Variants in HCFC2 observed in about 807,000 individuals in gnomAD.
HCFC2 encodes the protein host cell factor 2.
A neutral mutation model predicts 89.2 loss-of-function variants in HCFC2; 18 were observed. The ratio of observed to expected loss-of-function variants is 0.20; its 90% CI spans 0.14 to 0.30. The LOEUF is 0.30. Ranked by LOEUF, HCFC2 falls within the 10% of genes least tolerant of loss-of-function variation. The pLI is 1.00. For synonymous variants in HCFC2, 308 were observed against 335.7 expected (o/e 0.92, Z 0.90); for missense variants, 578 against 956.1 (o/e 0.60, Z 5.21).
intron 7 of HCFC2, among the ~76,000 whole-genome samples, chr12:104,085,995 ATT>A (rs774649121): frequency 4.6e-5 from 5 of 109,328 alleles, no homozygotes; most frequent in African/African-American, 1.1e-4. Flanking sequence ...TCCTCCCACC[ATT>A]TTTTTTTTTT....
In HCFC2 at chr12:104,064,948, G is replaced by C. The variant is rs1051421344; in HGVS notation, c.163+225G>C. ...TGGGGCGCAACGGACCCCGAGCGGGGCGCACCGGCCTTCAGGCGGGGGATC... is the reference window on the plus strand; with the variant it reads ...TGGGGCGCAACGGACCCCGAGCGGGCCGCACCGGCCTTCAGGCGGGGGATC... On this transcript the variant is annotated intron_variant, in intron 1 of 14. Coordinates refer to ENST00000229330, the MANE Select transcript of HCFC2 (RefSeq NM_013320.3). The surrounding 1 kb of genome is among the most constrained non-coding windows in gnomAD (Gnocchi z 7.3). The C allele has an allele frequency of 3.0e-5, 12 of 401,038 alleles. No individual in the cohort carries two copies. The highest frequency in any genetic ancestry group is 1.7e-4 in the African/African-American group (8 of 47,738). The allele number at this position is 401,038 out of a possible 1,614,324, so 24.8% of individuals were successfully genotyped here.
chr12:104,090,369 T>G (rs893171314), intron 9 of HCFC2, among the ~76,000 whole-genome samples: 6 of 152,194 alleles, frequency 3.9e-5, no homozygotes, highest in African/African-American at 1.4e-4. Context: ...ATCCCCAGTA[T>G]GCTGAAATTT....
intron 13 of HCFC2, among the ~76,000 whole-genome samples, chr12:104,098,777 G>A (rs951835973): frequency 6.6e-6 from 1 of 152,252 alleles, no homozygotes; most frequent in Admixed American, 6.5e-5. Flanking sequence ...AAGGCAGGCA[G>A]ATCACGAGGT....
At chr12:104,078,415 C>T (rs1173375216) in intron 3 of HCFC2, among the ~76,000 whole-genome samples, 1 of 152,146 alleles carries the variant, frequency 6.6e-6, no homozygotes, top group Non-Finnish European at 1.5e-5. Context: ...TGAAATGTTA[C>T]AATTTTTGCC....
At chr12:104,070,511 C>G (rs1389738559) in intron 3 of HCFC2, among the ~76,000 whole-genome samples, 1 of 152,150 alleles carries the variant, frequency 6.6e-6, no homozygotes, top group East Asian at 1.9e-4. Flanking sequence ...AAGCCTGTTT[C>G]CTTCACTGTG....
At chr12:104,074,875 T>C (rs1883447130) in intron 3 of HCFC2, among the ~76,000 whole-genome samples, 1 of 152,196 alleles carries the variant, frequency 6.6e-6, no homozygotes, top group African/African-American at 2.4e-5. Flanking sequence ...TATATTTAAA[T>C]AACTTAATTC....
intron 3 of HCFC2, among the ~76,000 whole-genome samples, chr12:104,069,587 A>C (rs908273859): frequency 6.7e-6 from 1 of 148,408 alleles, no homozygotes; most frequent in Non-Finnish European, 1.5e-5. Context: ...TGTCTGTCTT[A>C]TTTCGCTTAC....
intron 3 of HCFC2, among the ~76,000 whole-genome samples, chr12:104,073,187 C>T (rs2261693): frequency 0.38 from 52,104 of 138,230 alleles, 11,260 homozygotes; most frequent in Non-Finnish European, 0.49. Context: ...TTTTTTGAGA[C>T]GGAGTCTAGC....
intron 9 of HCFC2, among the ~76,000 whole-genome samples, chr12:104,090,051 G>C (rs1883981674): frequency 6.6e-6 from 1 of 151,984 alleles, no homozygotes; most frequent in East Asian, 1.9e-4. Flanking sequence ...TCTCTTTCCT[G>C]TGTTACAGCC....
chr12:104,082,915 T>G lies in HCFC2; in HGVS notation c.1063+14T>G. Reference sequence around the variant, plus strand: ...ATCTTGATACTGGTAGGTAAGAATATTTAACAAATAAACTTTTTCCTTTAG... The same window carrying G: ...ATCTTGATACTGGTAGGTAAGAATAGTTAACAAATAAACTTTTTCCTTTAG... On this transcript the variant is annotated intron_variant, in intron 7 of 14. Transcript: ENST00000229330. 1.3e-6 allele frequency: 2 copies of G among 1,570,650 alleles called. No homozygotes were observed. The highest frequency in any genetic ancestry group is 1.7e-6 in the Non-Finnish European group (2 of 1,159,630).
intron 2 of HCFC2, 33 bp downstream of exon 2, chr12:104,066,348 C>T: frequency 6.8e-7 from 1 of 1,477,110 alleles, no homozygotes; most frequent in East Asian, 2.4e-5. Flanking sequence ...CATTCTGAGG[C>T]TTTAATAATG....
At chr12:104,080,351 TAA>T (rs1320595770) in intron 4 of HCFC2, 2 of 163,872 alleles carry the variant, frequency 1.2e-5, no homozygotes, top group African/African-American at 4.8e-5. Flanking sequence ...CCATATACTT[TAA>T]GTCATCTCCA....
Position 104,103,103 on chromosome 12 carries a change from C to T in HCFC2, c.2209C>T (p.Leu737Phe). ...TGTGTTCATGAGGATTTATTGTGGT[C>T]TTAAGACATCATGTATAGTAACTGC... is the stretch of plus-strand genomic sequence containing the variant. ...QLVFMRIYCG[L>F]KTSCIVTAGQ... Residue 737 changes from leucine to phenylalanine, a missense_variant, in exon 15 of 15, where the codon CTT (leucine) becomes TTT (phenylalanine). Transcript: ENST00000229330. 6.2e-7 allele frequency: 1 copy of T among 1,614,064 alleles called. No individual in the cohort carries two copies. The highest frequency in any genetic ancestry group is 8.5e-7 in the Non-Finnish European group (1 of 1,179,962).
At chr12:104,072,245 G>T (rs1210579794) in intron 3 of HCFC2, among the ~76,000 whole-genome samples, 1 of 152,022 alleles carries the variant, frequency 6.6e-6, no homozygotes, top group Non-Finnish European at 1.5e-5. Flanking sequence ...AGTGGTATGT[G>T]CCTGTGGTCC....
In HCFC2 at chr12:104,067,868, A is replaced by C. The variant is rs958797210; in HGVS notation, c.313-79A>C. The stretch of plus-strand genomic sequence containing the variant: ...ATGGGATTTAGATTAAAATGTATTG[A>C]TATGATGTTGCACTATTGACAATAT... On this transcript the variant is annotated intron_variant, in intron 2 of 14. Transcript: ENST00000229330. 3 of 1,292,058 alleles carry C rather than the reference A, an allele frequency of 2.3e-6. No homozygotes were observed. In the East Asian group the frequency reaches 8.0e-5, roughly 35 times the overall value. The allele number at this position is 1,292,058 out of a possible 1,614,324, so 80.0% of individuals were successfully genotyped here.
At chr12:104,065,606 T>A (rs547653684) in intron 1 of HCFC2, among the ~76,000 whole-genome samples, 51 of 152,306 alleles carry the variant, frequency 3.3e-4, no homozygotes, top group African/African-American at 1.2e-3. Context: ...TGAGAAGTTT[T>A]ATTTTTTTCA....
intron 2 of HCFC2, 53 bp from the exon 3 acceptor site, chr12:104,067,894 A>G: frequency 6.6e-7 from 1 of 1,507,406 alleles, no homozygotes; most frequent in African/African-American, 1.4e-5. Flanking sequence ...TTGACAATAT[A>G]GGAGTGCTTT....
chr12:104,103,303 G>A lies in HCFC2; in HGVS notation c.*30G>A, dbSNP rs1362540100. On this transcript the variant is annotated 3_prime_UTR_variant, in exon 15 of 15. Coordinates refer to ENST00000229330, the MANE Select transcript of HCFC2 (RefSeq NM_013320.3). ...GTTTTTTTACTGAAGCTATTGTGAT[G>A]ATGATTATTTATTAGTAACTGGTTA... The A allele has an allele frequency of 3.9e-6, 6 of 1,536,084 alleles. No homozygotes were observed. The highest frequency in any genetic ancestry group is 5.4e-6 in the Non-Finnish European group (6 of 1,121,006).
chr12:104,098,619 G>C, intron 13 of HCFC2, 139 bp downstream of exon 13: 3 of 795,046 alleles, frequency 3.8e-6, no homozygotes, highest in Non-Finnish European at 4.0e-6. Context: ...TCACTTGAAT[G>C]AGTAAAATTG....
Sources: allele counts gnomAD v4.1 joint callset (sites outside exome capture counted in the v4.1 genomes callset), GRCh38; gene constraint gnomAD v4.1.1; non-coding constraint Gnocchi (gnomAD v3.1); transcripts MANE v1.5; gene names NCBI Gene and HGNC (gene_info 2026-07-23, HGNC 2026-07-21).